The following KLHL25 variants were observed in gnomAD, a reference collection of about 807,000 sequenced individuals.
KLHL25 encodes kelch-like protein 25.
A neutral mutation model predicts 30.0 loss-of-function variants in KLHL25; 41 were observed. The ratio of observed to expected loss-of-function variants is 1.37; its 90% confidence interval spans 1.07 to 1.78. The LOEUF is 1.78. Ranked by LOEUF, KLHL25 falls within the 40% of genes most tolerant of loss-of-function variation. The pLI, the probability that KLHL25 is intolerant of heterozygous loss-of-function variation, is 0.00. For synonymous variants in KLHL25, 399 were observed against 355.3 expected, an observed-to-expected ratio of 1.12 and a Z score of -1.38; for missense variants, 971 against 824.5, an observed-to-expected ratio of 1.18 and a Z score of -2.18.
Position 85,768,030 on chromosome 15 carries a change from G to A in KLHL25, c.*11C>T. The A allele has an allele frequency of 6.2e-7, 1 of 1,603,752 alleles. No individual in the cohort carries two copies. Among genetic ancestry groups the A allele is most frequent in the Middle Eastern group, 1.7e-4 (1 of 5,938 alleles). ...CCAGGGACTCACCTGGCTGGGCTCA[G>A]CAGGTGCTCCTCACGCGGGCAGGTG... On this transcript the variant is annotated 3_prime_UTR_variant, in exon 2 of 3. Transcript: ENST00000337975.
intron 1 of KLHL25, among the ~76,000 whole-genome samples, chr15:85,779,298 A>C (rs1464297512): frequency 6.6e-6 from 1 of 152,204 alleles, no homozygotes; most frequent in Non-Finnish European, 1.5e-5. Flanking sequence ...TGACATTAAC[A>C]GTGAGGAGCA....
chr15:85,775,536 G>C (rs2089703953), intron 1 of KLHL25, among the ~76,000 whole-genome samples: 1 of 152,170 alleles, frequency 6.6e-6, no homozygotes. Flanking sequence ...AAGGACCTCA[G>C]CATGTCCCTT....
intron 1 of KLHL25, among the ~76,000 whole-genome samples, chr15:85,775,001 C>T (rs954594413): frequency 2.0e-5 from 3 of 152,032 alleles, no homozygotes; most frequent in East Asian, 1.9e-4. Context: ...CTCAGCCTCC[C>T]GAGTAGCTGG....
At position 85,769,212 on chromosome 15, in the gene KLHL25, T is replaced by C; in HGVS notation, c.599A>G (p.Asp200Gly). The C allele has an allele frequency of 1.9e-6, 3 of 1,613,704 alleles. No homozygotes were observed. Among genetic ancestry groups the C allele is most frequent in the Non-Finnish European group, 2.5e-6 (3 of 1,180,026 alleles). ...CCGCTCGTCCTCGGTCTCCAGCTCA[T>C]CACTCGAGATGAGGTCCAGCAGTGT... ...KDTLLDLISS[D>G]ELETEDERVV... Residue 200 changes from aspartate (D) to glycine (G), a missense_variant, in exon 2 of 3, where the codon GAT becomes GGT. Asp to Gly is a moderately conservative substitution (Grantham distance 94, BLOSUM62 -1). Coordinates refer to ENST00000337975, the MANE Select transcript of KLHL25 (RefSeq NM_022480.4).
chr15:85,775,255 C>T (rs938148511), intron 1 of KLHL25, among the ~76,000 whole-genome samples: 1 of 152,128 alleles, frequency 6.6e-6, no homozygotes, highest in Non-Finnish European at 1.5e-5. Flanking sequence ...TTTGGAAACT[C>T]GGAAAAGCCA....
chr15:85,761,358 C>CG (rs1303227761), intron 2 of KLHL25: 1 of 148,494 alleles, frequency 6.7e-6, no homozygotes, highest in Non-Finnish European at 1.5e-5. Context: ...AGGTGACCGG[C>CG]GTGAGAGCCG....
chr15:85,762,228 G>A (rs772852016), intron 2 of KLHL25: 3 of 152,410 alleles, frequency 2.0e-5, no homozygotes, highest in Non-Finnish European at 4.4e-5. Context: ...CGAACCTCTG[G>A]GGCCTGGCTG....
At position 85,760,370 on chromosome 15, in the gene KLHL25, C is replaced by G. The variant is rs1286149814; in HGVS notation, c.*666G>C. On this transcript the variant is annotated 3_prime_UTR_variant, in exon 3 of 3. Coordinates refer to ENST00000337975, the MANE Select transcript of KLHL25 (RefSeq NM_022480.4). The stretch of plus-strand genomic sequence containing the variant: ...CAACTGTGTCCCCACCGGGCCACAG[C>G]ACTGAGCAAGGCCCTGAGTAGGTGG... 6.6e-6 allele frequency: 1 copy of G among 152,234 alleles called. No homozygotes were observed. Among genetic ancestry groups the G allele is most frequent in the African/African-American group, 2.4e-5 (1 of 41,434 alleles). 9.4% of individuals were successfully genotyped at this position (152,234 alleles called of 1,614,324 possible).
intron 1 of KLHL25, among the ~76,000 whole-genome samples, chr15:85,780,346 AAG>A (rs1287497934): frequency 1.3e-5 from 2 of 152,210 alleles, no homozygotes; most frequent in African/African-American, 2.4e-5. Flanking sequence ...GACAGAAACA[AAG>A]AGGGGCAGCG....
chr15:85,769,978 C>T (rs1219940676), intron 1 of KLHL25, among the ~76,000 whole-genome samples, 158 bp from the exon 2 acceptor site: 1 of 152,246 alleles, frequency 6.6e-6, no homozygotes, highest in Non-Finnish European at 1.5e-5. Flanking sequence ...TTGCCAAGGA[C>T]AACACAGGCA....
chr15:85,774,383 C>T lies in KLHL25; in HGVS notation c.-10-4563G>A, dbSNP rs572242054. Among the ~76,000 whole-genome samples the T allele has an allele frequency of 9.8e-5, 15 of 152,354 alleles. No homozygotes were observed. The South Asian group carries it at 3.1e-3, about 32-fold the overall frequency. On this transcript the variant is annotated intron_variant, in intron 1 of 2. Transcript: ENST00000337975. ...CTGCTCCCCAGGCAATCCTCACCTA[C>T]AGACTCAGCTAAAATGTACCGGGTA...
chr15:85,773,592 C>T (rs544901128), intron 1 of KLHL25, among the ~76,000 whole-genome samples: 5 of 152,260 alleles, frequency 3.3e-5, no homozygotes, highest in South Asian at 2.1e-4. Context: ...GGAGTGGACA[C>T]GTGCCAGGCC....
intron 2 of KLHL25, among the ~76,000 whole-genome samples, chr15:85,765,153 G>A (rs961108403): frequency 7.9e-5 from 12 of 152,156 alleles, no homozygotes; most frequent in African/African-American, 1.9e-4. Context: ...TGCCCAGCCC[G>A]GCTGGCCTGG....
Position 85,769,251 on chromosome 15 carries a change from C to G in KLHL25, c.560G>C (p.Ser187Thr). 6.2e-7 allele frequency: 1 copy of G among 1,613,882 alleles called. No individual in the cohort carries two copies. Among genetic ancestry groups the G allele is most frequent in the Non-Finnish European group, 8.5e-7 (1 of 1,180,034 alleles). ...GTCCAGCAGTGTGTCCTTGGACAGG[C>G]TGTTGAAGTCCTCGCTCTGCCTCAC... ...ETVRQSEDFN[S>T]LSKDTLLDLI... The change falls in exon 2 of 3, where the codon AGC (serine) becomes ACC (threonine). Residue 187 changes from serine to threonine, a missense_variant. Coordinates refer to ENST00000337975, the MANE Select transcript of KLHL25 (RefSeq NM_022480.4).
chr15:85,768,220 A>C lies in KLHL25; in HGVS notation c.1591T>G (p.Cys531Gly). The change falls in exon 2 of 3, where the codon TGC becomes GGC. Residue 531 changes from cysteine to glycine, a missense_variant. Coordinates refer to ENST00000337975, the MANE Select transcript of KLHL25 (RefSeq NM_022480.4). ...IGDMTAKRMS[C>G]HALASGNKLY... ...TTGTTGCCGGAAGCCAGGGCATGGC[A>C]GGACATGCGCTTGGCAGTCATGTCC... 12 of 1,614,196 alleles carry C rather than the reference A, an allele frequency of 7.4e-6. No homozygotes were observed. Among genetic ancestry groups the C allele is most frequent in the Non-Finnish European group, 1.0e-5 (12 of 1,180,042 alleles).
chr15:85,768,209 C>G lies in KLHL25; in HGVS notation c.1602G>C (p.Leu534=). ...MTAKRMSCHA[L]ASGNKLYVVG... ...CCACATAGAGCTTGTTGCCGGAAGC[C>G]AGGGCATGGCAGGACATGCGCTTGG... Residue 534 remains leucine, a synonymous_variant, in exon 2 of 3, where the codon CTG becomes CTC. Transcript: ENST00000337975. 6.2e-7 allele frequency: 1 copy of G among 1,614,194 alleles called. No individual in the cohort carries two copies. Among genetic ancestry groups the G allele is most frequent in the South Asian group, 1.1e-5 (1 of 91,086 alleles).
rs1567238666 is a variant in KLHL25 at position 85,768,948 on chromosome 15, G to A, written c.863C>T (p.Ala288Val). The A allele has an allele frequency of 6.2e-7, 1 of 1,613,268 alleles. No homozygotes were observed. The highest frequency in any genetic ancestry group is 8.5e-7 in the Non-Finnish European group (1 of 1,180,046). ...QNDGVVTSPCARPRKAGHTLL... is the reference protein window; with the variant it reads ...QNDGVVTSPCVRPRKAGHTLL... ...CGTGTGGCCCGCCTTGCGTGGCCGG[G>A]CACAGGGGCTGGTGACCACGCCATC... Residue 288 changes from alanine (A) to valine (V), a missense_variant, in exon 2 of 3, where the codon GCC becomes GTC. Coordinates refer to ENST00000337975, the MANE Select transcript of KLHL25 (RefSeq NM_022480.4).
At chr15:85,774,880 C>CT (rs71141486) in intron 1 of KLHL25, among the ~76,000 whole-genome samples, 68,819 of 140,390 alleles carry the variant, frequency 0.49, 19,011 homozygotes, top group Non-Finnish European at 0.62. Flanking sequence ...TTTTTCTTTT[C>CT]TTTTTTTTTT....
intron 2 of KLHL25, chr15:85,762,822 G>A (rs1426667603): frequency 6.6e-6 from 1 of 152,268 alleles, no homozygotes; most frequent in Non-Finnish European, 1.5e-5. Flanking sequence ...TTTCCCATCT[G>A]TAGCAACTTC....
Sources: gnomAD v4.1 joint callset for allele counts (sites outside exome capture counted in the v4.1 genomes callset) on GRCh38, gnomAD v4.1.1 for gene constraint, MANE v1.5 for transcripts, NCBI Gene and HGNC (gene_info 2026-07-23, HGNC 2026-07-21) for gene names.